Variants in DCC observed in about 807,000 individuals in gnomAD.
The protein encoded by DCC is netrin receptor DCC.
DCC carries 58 observed loss-of-function variants against 172.5 expected under a neutral mutation model. The ratio of observed to expected loss-of-function variants is 0.34; its 90% CI spans 0.27 to 0.42. The LOEUF (loss-of-function observed/expected upper bound fraction) is 0.42. DCC is among the 10% of genes least tolerant of loss of function. The probability of loss-of-function intolerance (pLI) is 1.00; values close to 1 mark genes in which losing one functional copy is unlikely to be tolerated. For missense variants in DCC, 1,740 were observed against 1,791.0 expected (o/e 0.97, Z 0.51); for synonymous variants, 709 against 644.5 (o/e 1.10, Z -1.52).
At chr18:53,529,036 T>TCACACACACA (rs1293138635) in intron 28 of DCC, among the ~76,000 whole-genome samples, 2 of 46,818 alleles carry the variant, frequency 4.3e-5, no homozygotes, top group Non-Finnish European at 8.1e-5. Context: ...TCTCTCTCTC[T>TCACACACACA]CTCACACACA....
intron 5 of DCC, among the ~76,000 whole-genome samples, chr18:53,056,469 T>A (rs1227380759): frequency 6.6e-6 from 1 of 152,290 alleles, no homozygotes. Flanking sequence ...GTAATCTGAA[T>A]GTGGTTGCAT....
chr18:52,639,035 A>G (rs147320414), intron 1 of DCC, among the ~76,000 whole-genome samples: 17,275 of 152,216 alleles, frequency 0.11, 1,043 homozygotes, highest in South Asian at 0.2. Flanking sequence ...ATACATGGAA[A>G]TTAAATAATC....
At chr18:52,897,099 A>G (rs2039742760) in intron 2 of DCC, among the ~76,000 whole-genome samples, 1 of 152,118 alleles carries the variant, frequency 6.6e-6, no homozygotes, top group East Asian at 1.9e-4. Flanking sequence ...CAGGCTTTAA[A>G]CTGACTCTTG....
intron 1 of DCC, among the ~76,000 whole-genome samples, chr18:52,544,681 A>G (rs2032562709): frequency 6.6e-6 from 1 of 152,218 alleles, no homozygotes; most frequent in African/African-American, 2.4e-5. Flanking sequence ...CACCTGTATC[A>G]TAAGTCTACA....
intron 2 of DCC, among the ~76,000 whole-genome samples, chr18:52,827,539 C>G (rs956415368): frequency 6.6e-6 from 1 of 152,194 alleles, no homozygotes; most frequent in South Asian, 2.1e-4. Flanking sequence ...GCAGCACATG[C>G]TCTTTTCAGT....
In DCC at chr18:53,499,529, C is replaced by A; in HGVS notation, c.4111+19C>A. 1.3e-6 allele frequency: 2 copies of A among 1,594,174 alleles called. No homozygotes were observed. Among genetic ancestry groups the A allele is most frequent in the South Asian group, 1.1e-5 (1 of 90,636 alleles). ...CAGCCAGGTAAAGTACTCGGTTGTT[C>A]ACCTTTAAAATTCTTATTATTATTG... On this transcript the variant is annotated intron_variant, in intron 27 of 28. Transcript: ENST00000442544.
At chr18:53,330,686 T>G (rs2057521050) in intron 14 of DCC, among the ~76,000 whole-genome samples, 1 of 152,162 alleles carries the variant, frequency 6.6e-6, no homozygotes, top group South Asian at 2.1e-4. Flanking sequence ...CCAGGTTCAC[T>G]TCCTCAGCTG....
In DCC at chr18:53,385,026, T is replaced by TC. The variant is rs1391908666; in HGVS notation, c.2360-1017_2360-1016insC. 2.0e-5 allele frequency among the ~76,000 whole-genome samples: 3 copies of TC among 149,834 alleles called. No homozygotes were observed. In the East Asian group the frequency reaches 5.9e-4, roughly 29 times the overall value. On this transcript the variant is annotated intron_variant, in intron 15 of 28. Transcript: ENST00000442544. ...AGTGCCCGGCTAATTTTTTTCTTTTTTTTTTTTTTTTTGTATTTTTAGTAG... is the reference window on the plus strand; with the variant it reads ...AGTGCCCGGCTAATTTTTTTCTTTTTCTTTTTTTTTTTTGTATTTTTAGTAG...
At chr18:53,418,451 T>A (rs1482902393) in intron 21 of DCC, among the ~76,000 whole-genome samples, 3 of 152,118 alleles carry the variant, frequency 2.0e-5, no homozygotes, top group Non-Finnish European at 4.4e-5. Flanking sequence ...ATTAGTTGAA[T>A]ATGTTTTACC....
chr18:52,452,356 G>A (rs1988331448), intron 1 of DCC, among the ~76,000 whole-genome samples: 1 of 152,108 alleles, frequency 6.6e-6, no homozygotes, highest in Non-Finnish European at 1.5e-5. Flanking sequence ...ACTTTATTAT[G>A]CATTATGTGT....
chr18:53,112,567 T>A (rs973310892), intron 7 of DCC, among the ~76,000 whole-genome samples: 1 of 151,540 alleles, frequency 6.6e-6, no homozygotes, highest in Non-Finnish European at 1.5e-5. Flanking sequence ...GTATGAATAA[T>A]GTAATGGATT....
At chr18:52,495,344 G>T (rs1406228664) in intron 1 of DCC, among the ~76,000 whole-genome samples, 1 of 151,956 alleles carries the variant, frequency 6.6e-6, no homozygotes, top group Non-Finnish European at 1.5e-5. Flanking sequence ...ATTTCTTCTT[G>T]TTTCTCTATC....
intron 14 of DCC, 85 bp from the exon 15 acceptor site, chr18:53,339,628 A>G (rs1568066483): frequency 5.9e-6 from 6 of 1,009,488 alleles, no homozygotes; most frequent in African/African-American, 1.6e-5. Flanking sequence ...TCTATGAAAT[A>G]TGATTTCTCT....
At chr18:52,713,527 G>A (rs1046260374) in intron 1 of DCC, among the ~76,000 whole-genome samples, 6 of 152,142 alleles carry the variant, frequency 3.9e-5, no homozygotes, top group South Asian at 4.1e-4. Flanking sequence ...AAGCACAGCC[G>A]GCAGCATGAG....
chr18:52,760,088 A>G (rs1438880901), intron 2 of DCC, among the ~76,000 whole-genome samples: 1 of 152,144 alleles, frequency 6.6e-6, no homozygotes, highest in African/African-American at 2.4e-5. Context: ...ACTGCCCAAG[A>G]CTGGGTAGTT....
chr18:53,418,462 A>G (rs1272358523), intron 21 of DCC, among the ~76,000 whole-genome samples: 2 of 152,164 alleles, frequency 1.3e-5, no homozygotes, highest in Admixed American at 6.6e-5. Context: ...ATGTTTTACC[A>G]TTCCCACTGT....
intron 12 of DCC, among the ~76,000 whole-genome samples, chr18:53,240,835 C>G (rs143070554): frequency 1.3e-5 from 2 of 152,182 alleles, no homozygotes; most frequent in African/African-American, 4.8e-5. Flanking sequence ...AAAAAGATTG[C>G]ATTTAGTTGA....
intron 2 of DCC, among the ~76,000 whole-genome samples, chr18:52,853,184 G>A (rs959324059): frequency 2.0e-5 from 3 of 152,122 alleles, no homozygotes; most frequent in East Asian, 3.9e-4. Flanking sequence ...TTTAATTTGC[G>A]AATCTCATGT....
chr18:53,414,242 GATAA>G (rs1910163989), intron 20 of DCC, among the ~76,000 whole-genome samples: 2 of 152,102 alleles, frequency 1.3e-5, no homozygotes, highest in South Asian at 2.1e-4. Context: ...AGAGTGTCAA[GATAA>G]ATAAATTCTG....
Sources: gnomAD v4.1 joint callset for allele counts (sites outside exome capture counted in the v4.1 genomes callset) on GRCh38, gnomAD v4.1.1 for gene constraint, MANE v1.5 for transcripts, NCBI Gene and HGNC (gene_info 2026-07-23, HGNC 2026-07-21) for gene names.